Variants in PDSS2 observed in about 807,000 individuals in gnomAD.
The protein encoded by PDSS2 is decaprenyl diphosphate synthase subunit 2.
In PDSS2, 31 loss-of-function variants were observed where a neutral mutation model predicts 44.5. That is an observed-to-expected ratio of 0.70 (90% CI 0.52 to 0.94). The LOEUF is 0.94. Among genes scored for constraint, PDSS2 ranks in the 40% least tolerant of loss-of-function variants. PDSS2 has a pLI of 0.00. For synonymous variants in PDSS2, 157 were observed against 180.3 expected (o/e 0.87, Z 1.03); for missense variants, 452 against 482.2 (o/e 0.94, Z 0.59).
chr6:107,223,395 G>A (rs1773682641), intron 4 of PDSS2, among the ~76,000 whole-genome samples: 1 of 151,012 alleles, frequency 6.6e-6, no homozygotes, highest in Non-Finnish European at 1.5e-5. Context: ...GCCAGTTGTG[G>A]TGGCATGTGC....
intron 2 of PDSS2, among the ~76,000 whole-genome samples, chr6:107,283,723 A>T (rs1040600438): frequency 2.6e-5 from 4 of 151,668 alleles, no homozygotes; most frequent in Admixed American, 2.6e-4. Flanking sequence ...TCCATCTCAA[A>T]AAATAAATAA....
intron 3 of PDSS2, among the ~76,000 whole-genome samples, chr6:107,258,640 T>C (rs1775107077): frequency 6.6e-6 from 1 of 151,972 alleles, no homozygotes; most frequent in Non-Finnish European, 1.5e-5. Flanking sequence ...CCATCTCTAC[T>C]AAAAATACAA....
At chr6:107,228,461 A>C (rs1773912243) in intron 4 of PDSS2, among the ~76,000 whole-genome samples, 1 of 152,186 alleles carries the variant, frequency 6.6e-6, no homozygotes, top group African/African-American at 2.4e-5. Context: ...TGGGAGGCCG[A>C]GGTGGGCAGA....
chr6:107,216,085 T>A (rs1260657446), intron 4 of PDSS2, among the ~76,000 whole-genome samples: 2 of 151,658 alleles, frequency 1.3e-5, no homozygotes, highest in Non-Finnish European at 2.9e-5. Context: ...TGCAGTGAGC[T>A]GAGATTTTGC....
chr6:107,292,351 T>C (rs1424419173), intron 2 of PDSS2, among the ~76,000 whole-genome samples: 1 of 152,214 alleles, frequency 6.6e-6, no homozygotes, highest in Non-Finnish European at 1.5e-5. Context: ...TTGCATTCAT[T>C]TCCTCCCCTC....
chr6:107,201,480 T>C lies in PDSS2; in HGVS notation c.1009-7626A>G, dbSNP rs185802324. Among the ~76,000 whole-genome samples, 223 of 151,606 alleles carry C rather than the reference T, an allele frequency of 1.5e-3. 1 individual carries two copies. The highest frequency in any genetic ancestry group is 2.5e-3 in the Non-Finnish European group (168 of 67,936). On this transcript the variant is annotated intron_variant, in intron 6 of 7. Transcript: ENST00000369037. ...CCAAAGGTTTATATACCAGTCTCTG[T>C]AGACTAAAGGCAGACAGATTCCCTG...
intron 2 of PDSS2, among the ~76,000 whole-genome samples, chr6:107,294,421 A>T (rs560936090): frequency 1.7e-3 from 254 of 151,828 alleles, no homozygotes; most frequent in Middle Eastern, 3.4e-3. Context: ...ATTAAAAAAA[A>T]TTTTTTTTAG....
At chr6:107,162,598 A>G (rs1260716686) in intron 7 of PDSS2, among the ~76,000 whole-genome samples, 2 of 135,124 alleles carry the variant, frequency 1.5e-5, no homozygotes, top group Admixed American at 1.6e-4. Context: ...TTATTTTGTC[A>G]AGAATTCCCT....
Position 107,458,989 on chromosome 6 carries a change from C to G in PDSS2, c.296+1G>C, listed in dbSNP as rs1782150820. On this transcript the variant is annotated splice_donor_variant, in intron 1 of 7. Transcript: ENST00000369037. LOFTEE classifies it high-confidence loss of function. ...GTGTCAGCGGGAGAGGGGTAGCTCACCTGGCTGTGGTAAGCAGAGGGTGCT... is the reference window on the plus strand; with the variant it reads ...GTGTCAGCGGGAGAGGGGTAGCTCAGCTGGCTGTGGTAAGCAGAGGGTGCT... 2 of 1,613,974 alleles carry G rather than the reference C, an allele frequency of 1.2e-6. No individual in the cohort carries two copies. The highest frequency in any genetic ancestry group is 1.3e-5 in the African/African-American group (1 of 75,024).
chr6:107,443,188 C>T lies in PDSS2; in HGVS notation c.296+15802G>A, dbSNP rs144583898. Among the ~76,000 whole-genome samples the T allele has an allele frequency of 6.4e-4, 98 of 152,270 alleles. 1 individual carries two copies. In the East Asian group the frequency reaches 0.018, roughly 28 times the overall value. On this transcript the variant is annotated intron_variant, in intron 1 of 7. Coordinates refer to ENST00000369037, the MANE Select transcript of PDSS2 (RefSeq NM_020381.4). ...ATGAATAAACCATAGCAGTCTTCTG[C>T]CAGGCTTTCCTGCCTCTAGCTTTTC... is the stretch of plus-strand genomic sequence containing the variant.
chr6:107,218,101 C>T (rs1773475449), intron 4 of PDSS2, among the ~76,000 whole-genome samples: 1 of 152,332 alleles, frequency 6.6e-6, no homozygotes, highest in South Asian at 2.1e-4. Context: ...CCAACCTTCT[C>T]TCTGTTCTTC....
At chr6:107,212,564 A>C (rs766853513) in intron 4 of PDSS2, among the ~76,000 whole-genome samples, 1 of 152,222 alleles carries the variant, frequency 6.6e-6, no homozygotes, top group Non-Finnish European at 1.5e-5. Context: ...GATAAGGGAA[A>C]AAGTAGAAAG....
At chr6:107,333,681 A>C (rs1777782948) in intron 2 of PDSS2, among the ~76,000 whole-genome samples, 1 of 152,194 alleles carries the variant, frequency 6.6e-6, no homozygotes, top group Admixed American at 6.5e-5. Context: ...GACTACAGGC[A>C]CATACCACCA....
intron 3 of PDSS2, among the ~76,000 whole-genome samples, chr6:107,258,465 TAA>T (rs199659283): frequency 1.9e-4 from 23 of 120,468 alleles, no homozygotes; most frequent in Admixed American, 3.3e-4. Flanking sequence ...TTTAGAAAAC[TAA>T]AAAAAAAAAA....
At chr6:107,165,402 C>T (rs1347223643) in intron 7 of PDSS2, among the ~76,000 whole-genome samples, 1 of 152,208 alleles carries the variant, frequency 6.6e-6, no homozygotes, top group Non-Finnish European at 1.5e-5. Context: ...GTTTTCCCAG[C>T]ACCATTTATT....
chr6:107,247,839 T>A (rs1324053648), intron 3 of PDSS2, among the ~76,000 whole-genome samples: 38 of 88,032 alleles, frequency 4.3e-4, no homozygotes, highest in Non-Finnish European at 5.2e-4. Context: ...CTGTCTCTAC[T>A]AAAAAAAAAA....
intron 1 of PDSS2, among the ~76,000 whole-genome samples, chr6:107,364,133 TAA>T (rs1256615141): frequency 1.3e-5 from 2 of 152,146 alleles, no homozygotes; most frequent in East Asian, 3.8e-4. Context: ...GAGCTAGATA[TAA>T]AGACTCTCCA....
At chr6:107,165,741 T>C (rs1554247405) in intron 7 of PDSS2, among the ~76,000 whole-genome samples, 1 of 152,140 alleles carries the variant, frequency 6.6e-6, no homozygotes, top group Admixed American at 6.6e-5. Flanking sequence ...ATTGAATCTA[T>C]AAATTACCTT....
intron 1 of PDSS2, among the ~76,000 whole-genome samples, chr6:107,446,882 T>C (rs1781700151): frequency 6.6e-6 from 1 of 151,832 alleles, no homozygotes; most frequent in Non-Finnish European, 1.5e-5. Context: ...ATTCTGACCC[T>C]GGCCCCTCCC....
Sources: gnomAD v4.1 joint callset for allele counts (sites outside exome capture counted in the v4.1 genomes callset) on GRCh38, gnomAD v4.1.1 for gene constraint, MANE v1.5 for transcripts, NCBI Gene and HGNC (gene_info 2026-07-23, HGNC 2026-07-21) for gene names.